Variants in HERC1 observed in about 807,000 individuals in gnomAD.
HERC1 encodes the protein probable E3 ubiquitin-protein ligase HERC1.
HERC1 carries 160 observed loss-of-function variants against 554.3 expected under a neutral mutation model. That is an observed-to-expected ratio of 0.29 (90% CI 0.25 to 0.33). The LOEUF is 0.33. Ranked by LOEUF, HERC1 falls within the 10% of genes least tolerant of loss-of-function variation. The pLI is 1.00. For synonymous variants in HERC1, 2,175 were observed against 2,131.7 expected (o/e 1.02, Z -0.56); for missense variants, 4,919 against 5,918.5 (o/e 0.83, Z 5.54).
At position 63,658,582 on chromosome 15, in the gene HERC1, T is replaced by G. The variant is rs762918341; in HGVS notation, c.9561A>C (p.Arg3187Ser). 1 of 1,613,750 alleles carries G rather than the reference T, an allele frequency of 6.2e-7. No homozygotes were observed. Among genetic ancestry groups the G allele is most frequent in the East Asian group, 2.2e-5 (1 of 44,876 alleles). ...VTAAAQVLLA[R>S]TMVMRALSLL... ...GAGACAGCGCTCTCATGACCATGGT[T>G]CTGGCCAGAAGAACCTGAGCAGCAG... The change falls in exon 48 of 78, where the codon AGA becomes AGC. Residue 3187 changes from arginine (R) to serine (S), a missense_variant. Arg to Ser is a moderately radical substitution (Grantham distance 110, BLOSUM62 -1). Transcript: ENST00000443617.
rs570298928 is a variant in HERC1 at position 63,717,916 on chromosome 15, T to C, written c.3978+658A>G. Among the ~76,000 whole-genome samples, 14 of 152,258 alleles carry C rather than the reference T, an allele frequency of 9.2e-5. No homozygotes were observed. In the South Asian group the frequency reaches 2.9e-3, roughly 32 times the overall value. On this transcript the variant is annotated intron_variant, in intron 21 of 77. Coordinates refer to ENST00000443617, the MANE Select transcript of HERC1 (RefSeq NM_003922.4). The stretch of plus-strand genomic sequence containing the variant: ...TAGTTTCAATCTTCATTTCCAATGG[T>C]AGACAACTCTAATCATCAGAAAGCC...
chr15:63,671,120 T>C (rs888795722), intron 39 of HERC1, among the ~76,000 whole-genome samples: 2 of 151,404 alleles, frequency 1.3e-5, no homozygotes, highest in Non-Finnish European at 2.9e-5. Flanking sequence ...GGAGAATCGC[T>C]TGAACTCAGG....
At chr15:63,642,924 A>AC in intron 59 of HERC1, 33 bp downstream of exon 59, 1 of 1,252,298 alleles carries the variant, frequency 8.0e-7, no homozygotes, top group Admixed American at 1.8e-5. Context: ...TTACAAGCTT[A>AC]CACCCTATCA....
chr15:63,634,928 GA>G, intron 65 of HERC1, 40 bp from the exon 66 acceptor site: 1 of 1,486,662 alleles, frequency 6.7e-7, no homozygotes, highest in Non-Finnish European at 9.1e-7. Flanking sequence ...TTTAAGAAGG[GA>G]AACTAAGAAA....
intron 1 of HERC1, among the ~76,000 whole-genome samples, chr15:63,807,725 T>C (rs189853728): frequency 1.3e-5 from 2 of 152,266 alleles, no homozygotes; most frequent in East Asian, 3.9e-4. Flanking sequence ...CTGTCTCTGC[T>C]CTAGTCAGGT....
intron 1 of HERC1, among the ~76,000 whole-genome samples, chr15:63,803,545 C>G (rs990633290): frequency 2.0e-5 from 3 of 152,196 alleles, no homozygotes; most frequent in African/African-American, 7.2e-5. Context: ...ACCTCTGCCT[C>G]CTAAAGTGCT....
rs2075371767 is a variant in HERC1 at position 63,754,929 on chromosome 15, T to TGCG, written c.1631-282_1631-281insCGC. 2.0e-5 allele frequency among the ~76,000 whole-genome samples: 3 copies of TGCG among 152,206 alleles called. No homozygotes were observed. In the South Asian group the frequency reaches 6.2e-4, roughly 32 times the overall value. ...GTCCTGTTTCATGCTCATGTTGACTTGTTTTCATTACCCACTAGATTATAA... is the reference window on the plus strand; with the variant it reads ...GTCCTGTTTCATGCTCATGTTGACTTGCGGTTTTCATTACCCACTAGATTATAA... On this transcript the variant is annotated intron_variant, in intron 6 of 77. Transcript: ENST00000443617.
At position 63,733,045 on chromosome 15, in the gene HERC1, G is replaced by A. The variant is rs1274207029; in HGVS notation, c.2747C>T (p.Ser916Phe). Residue 916 changes from serine to phenylalanine, a missense_variant, in exon 14 of 78, where the codon TCT becomes TTT. By Grantham distance (155) the Ser-to-Phe change is radical. Coordinates refer to ENST00000443617, the MANE Select transcript of HERC1 (RefSeq NM_003922.4). Reference protein sequence around the residue: ...SSPSDAADLSSVCTGYGNLSD... With the variant: ...SSPSDAADLSFVCTGYGNLSD... ...CAGATTTCCGTAGCCAGTACACACAGAAGATAGGTCAGCAGCATCAGAGGG... is the reference window on the plus strand; with the variant it reads ...CAGATTTCCGTAGCCAGTACACACAAAAGATAGGTCAGCAGCATCAGAGGG... 6.2e-7 allele frequency: 1 copy of A among 1,613,920 alleles called. No individual in the cohort carries two copies. The highest frequency in any genetic ancestry group is 1.1e-5 in the South Asian group (1 of 91,090).
chr15:63,655,725 A>G lies in HERC1; in HGVS notation c.10084+17T>C, dbSNP rs1380904247. 1.3e-6 allele frequency: 2 copies of G among 1,496,640 alleles called. No individual in the cohort carries two copies. The highest frequency in any genetic ancestry group is 2.5e-5 in the East Asian group (1 of 40,486). The allele number at this position is 1,496,640 out of a possible 1,614,324, so 92.7% of individuals were successfully genotyped here. A position where few individuals can be genotyped will look rare whatever the true frequency, so the allele number is the denominator to read the frequency against. ...AGTCGATTAGAAGACTGTATGTTTCAGTAGTATGAAACTTACCTTTCTTTT... is the reference window on the plus strand; with the variant it reads ...AGTCGATTAGAAGACTGTATGTTTCGGTAGTATGAAACTTACCTTTCTTTT... On this transcript the variant is annotated intron_variant, in intron 50 of 77. Coordinates refer to ENST00000443617, the MANE Select transcript of HERC1 (RefSeq NM_003922.4).
Position 63,651,384 on chromosome 15 carries a change from G to C in HERC1, c.10419-4C>G. ...GCTTTCCTCAGCATCCCCTTCCCTA[G>C]AATATAACAGACAGATATGCAGTTC... On this transcript the variant is annotated splice_polypyrimidine_tract_variant and splice_region_variant and intron_variant, in intron 52 of 77. Transcript: ENST00000443617. 1.2e-6 allele frequency: 2 copies of C among 1,610,964 alleles called. No homozygotes were observed. Among genetic ancestry groups the C allele is most frequent in the Non-Finnish European group, 1.7e-6 (2 of 1,178,604 alleles).
At chr15:63,637,233 T>C (rs2068822470) in intron 64 of HERC1, 4 of 519,274 alleles carry the variant, frequency 7.7e-6, no homozygotes, top group African/African-American at 7.7e-5. Context: ...ACTTACACTT[T>C]TGCAATTTTT....
Position 63,775,606 on chromosome 15 carries a change from T to C in HERC1, c.18A>G (p.Pro6=). ...GTTCAAGCCATTTCAGCTTCACTGG[T>C]GGAATCATAGTTGCCATGTTGATTT... is the stretch of plus-strand genomic sequence containing the variant. MATMI[P]PVKLKWLEHL... The change falls in exon 2 of 78, where the codon CCA becomes CCG. Residue 6 remains proline (P), a synonymous_variant. Coordinates refer to ENST00000443617, the MANE Select transcript of HERC1 (RefSeq NM_003922.4). The surrounding 1 kb of genome is among the most constrained non-coding windows in gnomAD (Gnocchi z 4.0). 3.8e-6 allele frequency: 6 copies of C among 1,599,372 alleles called. No homozygotes were observed. Among genetic ancestry groups the C allele is most frequent in the Non-Finnish European group, 4.3e-6 (5 of 1,173,842 alleles).
chr15:63,624,184 C>A lies in HERC1; in HGVS notation c.13419G>T (p.Gln4473His). Residue 4473 changes from glutamine to histidine, a missense_variant, in exon 72 of 78, where the codon CAG becomes CAT. By Grantham distance (24) the Gln-to-His change is conservative. Transcript: ENST00000443617. The stretch of plus-strand genomic sequence containing the variant: ...TGGTTGATATCCTCTTTACAGTTAT[C>A]TGAGGTCCATAGTTTTTGCCTTGAA... ...TMVQGKNYGP[Q>H]ITVKRISTRG... 6.2e-7 allele frequency: 1 copy of A among 1,613,730 alleles called. No homozygotes were observed. The highest frequency in any genetic ancestry group is 8.5e-7 in the Non-Finnish European group (1 of 1,179,706).
intron 1 of HERC1, among the ~76,000 whole-genome samples, chr15:63,804,389 C>T (rs1396263022): frequency 6.6e-6 from 1 of 151,938 alleles, no homozygotes; most frequent in Non-Finnish European, 1.5e-5. Context: ...AGTTCAAAAC[C>T]AGCCTGGCCA....
Position 63,626,161 on chromosome 15 carries a change from A to C in HERC1, c.13106-7T>G. ...TGCAGAGGTACTGACACACCTGTCC[A>C]GAAAGCAAATGGGCACTTATGAAGG... On this transcript the variant is annotated splice_polypyrimidine_tract_variant and splice_region_variant and intron_variant, in intron 70 of 77. Transcript: ENST00000443617. 1.2e-6 allele frequency: 2 copies of C among 1,609,974 alleles called. No individual in the cohort carries two copies. Among genetic ancestry groups the C allele is most frequent in the Non-Finnish European group, 1.7e-6 (2 of 1,179,002 alleles).
At chr15:63,658,764 A>T (rs1178477278) in intron 47 of HERC1, 46 bp from the exon 48 acceptor site, 1 of 1,477,556 alleles carries the variant, frequency 6.8e-7, no homozygotes, top group East Asian at 2.3e-5. Flanking sequence ...TAAGAAAAAA[A>T]TACATCTGAA....
At chr15:63,736,157 G>A (rs993059006) in intron 12 of HERC1, among the ~76,000 whole-genome samples, 6 of 152,130 alleles carry the variant, frequency 3.9e-5, no homozygotes, top group African/African-American at 1.4e-4. Flanking sequence ...TACACCCTAA[G>A]TCAAAAATGA....
chr15:63,694,787 G>C lies in HERC1; in HGVS notation c.5229C>G (p.Asn1743Lys). The C allele has an allele frequency of 6.8e-6, 11 of 1,613,896 alleles. No homozygotes were observed. The highest frequency in any genetic ancestry group is 9.3e-6 in the Non-Finnish European group (11 of 1,179,846). The change falls in exon 28 of 78, where the codon AAC (asparagine) becomes AAG (lysine). Residue 1743 changes from asparagine (N) to lysine (K), a missense_variant. Asn to Lys is a moderately conservative substitution (Grantham distance 94, BLOSUM62 0). This residue lies in a region of HERC1 where 1,121 missense variants were observed against 1,244.0 expected (regional missense o/e 0.90). Coordinates refer to ENST00000443617, the MANE Select transcript of HERC1 (RefSeq NM_003922.4). This position sits in a 1 kb window ranked among gnomAD's most constrained non-coding sequence, Gnocchi z 4.3. Reference protein sequence around the residue: ...SATLERALQANKHHIEAQQRL... With the variant: ...SATLERALQAKKHHIEAQQRL... The stretch of plus-strand genomic sequence containing the variant: ...CCGTTTACTTACCAATGTGATGCTT[G>C]TTTGCTTGCAGGGCTCTTTCCAGGG...
chr15:63,807,080 C>G (rs1361401591), intron 1 of HERC1, among the ~76,000 whole-genome samples: 1 of 152,130 alleles, frequency 6.6e-6, no homozygotes, highest in Non-Finnish European at 1.5e-5. Context: ...ATCCACTAAA[C>G]CAAATCTTCC....
Sources: gnomAD v4.1 joint callset for allele counts (sites outside exome capture counted in the v4.1 genomes callset) on GRCh38, gnomAD v4.1.1 for gene constraint, gnomAD v4.1.1 regional missense constraint, Gnocchi (gnomAD v3.1) non-coding constraint, MANE v1.5 for transcripts, NCBI Gene and HGNC (gene_info 2026-07-23, HGNC 2026-07-21) for gene names.